CALN1: variants seen among roughly 807,000 people sequenced by gnomAD.
The protein encoded by CALN1 is calneuron 1, also known as calcium-binding protein 8.
In CALN1, 17 loss-of-function variants were observed where a neutral mutation model predicts 30.6. The ratio of observed to expected loss-of-function variants is 0.56; its 90% CI spans 0.38 to 0.83. The LOEUF (loss-of-function observed/expected upper bound fraction) is 0.83, where lower values mean the gene tolerates loss of function less well. Ranked by LOEUF, CALN1 falls within the 40% of genes least tolerant of loss-of-function variation. The pLI is 0.00. For synonymous variants in CALN1, 156 were observed against 131.4 expected (o/e 1.19, Z -1.28); for missense variants, 291 against 354.9 (o/e 0.82, Z 1.45).
intron 2 of CALN1, among the ~76,000 whole-genome samples, chr7:72,297,974 TTTACAGAG>T (rs1301649746): frequency 6.6e-6 from 1 of 152,248 alleles, no homozygotes; most frequent in East Asian, 1.9e-4. Context: ...ATTTTTGAAC[TTTACAGAG>T]TAGAGTTTGT....
intron 6 of CALN1, among the ~76,000 whole-genome samples, chr7:71,807,211 G>A (rs186842559): frequency 6.6e-6 from 1 of 152,236 alleles, no homozygotes; most frequent in East Asian, 1.9e-4. Context: ...AAATGCCAAC[G>A]GGCCCCCGTT....
intron 5 of CALN1, among the ~76,000 whole-genome samples, chr7:71,862,808 C>G (rs1584395756): frequency 6.6e-6 from 1 of 152,276 alleles, no homozygotes; most frequent in South Asian, 2.1e-4. Context: ...TCCAGTGGAT[C>G]AGCTCAAGAT....
chr7:72,292,121 C>A (rs1309544769), intron 2 of CALN1, among the ~76,000 whole-genome samples: 4 of 152,024 alleles, frequency 2.6e-5, no homozygotes, highest in Non-Finnish European at 5.9e-5. Context: ...ATTACTCTTG[C>A]ACCAACCATT....
chr7:72,500,269 C>CTTTTTTTTTTTTTTTTTTT, the CALN1 span, among the ~76,000 whole-genome samples: 41 of 51,396 alleles, frequency 8.0e-4, 9 homozygotes, highest in Non-Finnish European at 1.1e-3. Flanking sequence ...TTCGTTCCTT[C>CTTTTTTTTTTTTTTTTTTT]TTTTTTTTTT....
chr7:72,181,934 A>C (rs897855433), intron 3 of CALN1, among the ~76,000 whole-genome samples: 3 of 152,250 alleles, frequency 2.0e-5, no homozygotes, highest in African/African-American at 7.2e-5. Context: ...TAACTGGACT[A>C]CAAAGACAGG....
chr7:72,230,602 A>G (rs1487727430), intron 3 of CALN1, among the ~76,000 whole-genome samples: 1 of 151,956 alleles, frequency 6.6e-6, no homozygotes, highest in African/African-American at 2.4e-5. Flanking sequence ...GGAAGAGGAG[A>G]TATGAGCTAA....
At chr7:71,793,033 G>C (rs573729069) in intron 6 of CALN1, among the ~76,000 whole-genome samples, 2 of 152,030 alleles carry the variant, frequency 1.3e-5, no homozygotes, top group Non-Finnish European at 2.9e-5. Context: ...AGCCGGGTGC[G>C]GTGGCTCACG....
At chr7:72,095,937 AGCTGAG>A (rs1806186043) in intron 4 of CALN1, among the ~76,000 whole-genome samples, 1 of 152,148 alleles carries the variant, frequency 6.6e-6, no homozygotes, top group Non-Finnish European at 1.5e-5. Context: ...CAACTCGGGA[AGCTGAG>A]GCAGGCGGAT....
intron 3 of CALN1, among the ~76,000 whole-genome samples, chr7:72,237,302 A>T (rs1262931530): frequency 6.6e-6 from 1 of 152,068 alleles, no homozygotes; most frequent in African/African-American, 2.4e-5. Context: ...TTCTTATTAT[A>T]CCGGTAAGGG....
intron 3 of CALN1, among the ~76,000 whole-genome samples, chr7:72,229,569 T>A (rs905837519): frequency 2.0e-5 from 3 of 152,038 alleles, no homozygotes; most frequent in African/African-American, 7.2e-5. Flanking sequence ...ACAGAAAATA[T>A]GGCATATATA....
the CALN1 span, among the ~76,000 whole-genome samples, chr7:72,486,681 A>G: frequency 5.3e-5 from 8 of 152,100 alleles, no homozygotes; most frequent in African/African-American, 1.7e-4. Flanking sequence ...CCACAATACA[A>G]TAAGATTTAG....
At chr7:72,400,531 A>T (rs1419312185) in intron 2 of CALN1, among the ~76,000 whole-genome samples, 1 of 152,210 alleles carries the variant, frequency 6.6e-6, no homozygotes, top group Non-Finnish European at 1.5e-5. Flanking sequence ...GAATCTGATC[A>T]GTAAACTGAT....
chr7:72,224,707 G>T (rs775671451), intron 3 of CALN1, among the ~76,000 whole-genome samples: 9 of 151,706 alleles, frequency 5.9e-5, no homozygotes, highest in Non-Finnish European at 1.2e-4. Flanking sequence ...CTTGAACCCC[G>T]GAGGCAGAGG....
At chr7:72,151,660 G>A (rs1787259360) in intron 3 of CALN1, among the ~76,000 whole-genome samples, 2 of 152,082 alleles carry the variant, frequency 1.3e-5, no homozygotes, top group African/African-American at 4.8e-5. Context: ...GTGCCTGCAA[G>A]ACTAACCAGC....
rs567633556 is a variant in CALN1 at position 71,937,477 on chromosome 7, G to A, written c.501+86180C>T. 4.0e-5 allele frequency among the ~76,000 whole-genome samples: 6 copies of A among 151,310 alleles called. No homozygotes were observed. The South Asian group carries it at 8.4e-4, about 21-fold the overall frequency. On this transcript the variant is annotated intron_variant, in intron 5 of 6. Coordinates refer to ENST00000395275, the MANE Select transcript of CALN1 (RefSeq NM_031468.4). Reference sequence around the variant, plus strand: ...TATATATATAGATGTATAATTTCACGTGTATATATGCAGGTATATATGTAT... The same window carrying A: ...TATATATATAGATGTATAATTTCACATGTATATATGCAGGTATATATGTAT...
At chr7:71,793,681 G>C (rs1216520220) in intron 6 of CALN1, among the ~76,000 whole-genome samples, 1 of 152,088 alleles carries the variant, frequency 6.6e-6, no homozygotes. Context: ...AGACCAGCCT[G>C]GCCAACATGG....
At chr7:72,278,126 T>C (rs1797475669) in intron 3 of CALN1, among the ~76,000 whole-genome samples, 1 of 151,672 alleles carries the variant, frequency 6.6e-6, no homozygotes, top group Non-Finnish European at 1.5e-5. Flanking sequence ...TGTCCATCCC[T>C]AACCCCTGCC....
intron 5 of CALN1, among the ~76,000 whole-genome samples, chr7:71,924,211 AAAAGAT>A (rs1442174813): frequency 5.4e-5 from 8 of 148,866 alleles, no homozygotes; most frequent in African/African-American, 2.0e-4. Context: ...AAAAAAAAAA[AAAAGAT>A]TAGGATTAGG....
chr7:71,966,330 G>A (rs896234958), intron 5 of CALN1, among the ~76,000 whole-genome samples: 10 of 152,184 alleles, frequency 6.6e-5, no homozygotes, highest in African/African-American at 1.4e-4. Context: ...GTTTGATATG[G>A]TTTGGATCTG....
Sources: allele counts gnomAD v4.1 joint callset (sites outside exome capture counted in the v4.1 genomes callset), GRCh38; gene constraint gnomAD v4.1.1; transcripts MANE v1.5; gene names NCBI Gene and HGNC (gene_info 2026-07-23, HGNC 2026-07-21).